Variants in ADAMTS5 observed in about 807,000 individuals in gnomAD.
The protein encoded by ADAMTS5 is ADAM metallopeptidase with thrombospondin type 1 motif 5.
A neutral mutation model predicts 81.4 loss-of-function variants in ADAMTS5; 54 were observed. That is an observed-to-expected ratio of 0.66 (90% CI 0.53 to 0.83). ADAMTS5 has a LOEUF of 0.83. Among genes scored for constraint, ADAMTS5 ranks in the 40% least tolerant of loss-of-function variants. The pLI is 0.00. For synonymous variants in ADAMTS5, 532 were observed against 508.8 expected, an observed-to-expected ratio of 1.05 and a Z score of -0.61; for missense variants, 1,194 against 1,229.9, an observed-to-expected ratio of 0.97 and a Z score of 0.44.
At chr21:26,930,170 A>AC in intron 6 of ADAMTS5, 109 bp from the exon 7 acceptor site, 13 of 1,022,568 alleles carry the variant, frequency 1.3e-5, no homozygotes, top group South Asian at 8.8e-5. Context: ...ATTGGTATGG[A>AC]CAGTCCATTG....
intron 3 of ADAMTS5, among the ~76,000 whole-genome samples, chr21:26,943,009 T>C (rs1987142523): frequency 6.6e-6 from 1 of 152,116 alleles, no homozygotes; most frequent in Admixed American, 6.6e-5. Context: ...ATGTAACAAA[T>C]AATTCTGAGA....
At chr21:26,939,357 T>A (rs554805070) in intron 3 of ADAMTS5, among the ~76,000 whole-genome samples, 1 of 152,232 alleles carries the variant, frequency 6.6e-6, no homozygotes. Flanking sequence ...TTAAACTATA[T>A]GTCTTATTTT....
Position 26,923,884 on chromosome 21 carries a change from T to C in ADAMTS5, c.*169A>G. 3.0e-6 allele frequency: 2 copies of C among 670,782 alleles called. No individual in the cohort carries two copies. The highest frequency in any genetic ancestry group is 4.9e-6 in the Non-Finnish European group (2 of 410,386). The allele number at this position is 670,782 out of a possible 1,614,324, so 41.6% of individuals were successfully genotyped here. On this transcript the variant is annotated 3_prime_UTR_variant, in exon 8 of 8. Coordinates refer to ENST00000284987, the MANE Select transcript of ADAMTS5 (RefSeq NM_007038.5). The stretch of plus-strand genomic sequence containing the variant: ...AGGTCACCACTGTCACGTGAAGCAG[T>C]GCACATCCTCTTTTGGTCACAGAGA...
At chr21:26,938,839 G>A (rs1360199808) in intron 3 of ADAMTS5, among the ~76,000 whole-genome samples, 1 of 152,084 alleles carries the variant, frequency 6.6e-6, no homozygotes, top group Admixed American at 6.6e-5. Context: ...TCTCAAAGTT[G>A]TTGTTCTTTA....
rs1986671472 is a variant in ADAMTS5, at chr21:26,920,558, TTTA to T, written c.*3492_*3494del. 2.0e-5 allele frequency: 3 copies of T among 152,092 alleles called. No homozygotes were observed. The highest frequency in any genetic ancestry group is 2.0e-4 in the Admixed American group (3 of 15,258). 9.4% of individuals were successfully genotyped at this position (152,092 alleles called of 1,614,324 possible). A position where few individuals can be genotyped will look rare whatever the true frequency, so the allele number is the denominator to read the frequency against. On this transcript the variant is annotated 3_prime_UTR_variant, in exon 8 of 8. Transcript: ENST00000284987. ...AAAGGAGAAACAGACAACATTTGGT[TTTA>T]TTATCGTTTGTATCCCTCAGAAGTT... is the stretch of plus-strand genomic sequence containing the variant.
rs763459248 is a variant in ADAMTS5 at position 26,954,797 on chromosome 21, G to A, written c.1179C>T (p.Ser393=). The change falls in exon 2 of 8, where the codon AGC becomes AGT. Residue 393 remains serine, a synonymous_variant. Transcript: ENST00000284987. The part of the protein sequence containing the change: ...DVGTICSPER[S]CAVIEDDGLH... Reference sequence around the variant, plus strand: ...GGCCATCGTCTTCAATCACAGCACAGCTGCGCTCTGGAGAACATATGGTCC... The same window carrying A: ...GGCCATCGTCTTCAATCACAGCACAACTGCGCTCTGGAGAACATATGGTCC... The A allele has an allele frequency of 6.2e-7, 1 of 1,614,148 alleles. No individual in the cohort carries two copies. Among genetic ancestry groups the A allele is most frequent in the Non-Finnish European group, 8.5e-7 (1 of 1,180,012 alleles).
At chr21:26,954,451 G>A (rs180782343) in intron 2 of ADAMTS5, among the ~76,000 whole-genome samples, 2 of 152,226 alleles carry the variant, frequency 1.3e-5, no homozygotes, top group East Asian at 1.9e-4. Flanking sequence ...TTTCATCCAG[G>A]GGTCATTTAC....
chr21:26,947,283 C>T (rs907897575), intron 2 of ADAMTS5, among the ~76,000 whole-genome samples: 3 of 152,100 alleles, frequency 2.0e-5, no homozygotes, highest in Non-Finnish European at 4.4e-5. Flanking sequence ...TGTTAATGAC[C>T]TCTGTATTTA....
chr21:26,927,792 T>A (rs1242986192), intron 7 of ADAMTS5, among the ~76,000 whole-genome samples: 1 of 151,842 alleles, frequency 6.6e-6, no homozygotes, highest in African/African-American at 2.4e-5. Context: ...GACTGCAGTG[T>A]TAGTCCAGGC....
Position 26,966,293 on chromosome 21 carries a change from C to A in ADAMTS5, c.99G>T (p.Gln33His). 1 of 1,545,522 alleles carries A rather than the reference C, an allele frequency of 6.5e-7. No individual in the cohort carries two copies. The highest frequency in any genetic ancestry group is 2.4e-5 in the East Asian group (1 of 41,320). The change falls in exon 1 of 8, where the codon CAG becomes CAT. Residue 33 changes from glutamine (Q) to histidine (H), a missense_variant. By Grantham distance (24) the Gln-to-His change is conservative. Coordinates refer to ENST00000284987, the MANE Select transcript of ADAMTS5 (RefSeq NM_007038.5). ...AATPAQDKAGQPPTAAAAAQP... is the reference protein window; with the variant it reads ...AATPAQDKAGHPPTAAAAAQP... ...GGGCGGCTGCTGCAGCAGTCGGAGG[C>A]TGCCCGGCTTTATCCTGGGCAGGTG...
chr21:26,934,435 C>T (rs1223872695), intron 4 of ADAMTS5, 31 bp downstream of exon 4: 1 of 1,610,982 alleles, frequency 6.2e-7, no homozygotes, highest in South Asian at 1.1e-5. Context: ...TCTTGGGCCT[C>T]CAGGCATTGA....
At chr21:26,926,665 C>CT (rs1986810993) in intron 7 of ADAMTS5, among the ~76,000 whole-genome samples, 2 of 112,666 alleles carry the variant, frequency 1.8e-5, no homozygotes, top group South Asian at 3.0e-4. Flanking sequence ...GAGACCCTGT[C>CT]TTAAAAAAAA....
chr21:26,957,128 A>G (rs1987441303), intron 1 of ADAMTS5, among the ~76,000 whole-genome samples: 1 of 152,218 alleles, frequency 6.6e-6, no homozygotes, highest in South Asian at 2.1e-4. Context: ...GAACATCTGA[A>G]TTTCTTTGTG....
At chr21:26,937,845 C>T (rs1014277557) in intron 3 of ADAMTS5, among the ~76,000 whole-genome samples, 3 of 152,164 alleles carry the variant, frequency 2.0e-5, no homozygotes, top group Non-Finnish European at 4.4e-5. Context: ...TCTAATTCAT[C>T]GTAGTCTGAA....
At chr21:26,952,074 C>T (rs1987329934) in intron 2 of ADAMTS5, among the ~76,000 whole-genome samples, 2 of 152,194 alleles carry the variant, frequency 1.3e-5, no homozygotes, top group Admixed American at 1.3e-4. Flanking sequence ...TATTCCCCCA[C>T]TTCCAGACCT....
rs1178526320 is a variant in ADAMTS5 at position 26,921,008 on chromosome 21, A to G, written c.*3045T>C. 1 of 152,596 alleles carries G rather than the reference A, an allele frequency of 6.6e-6. No individual in the cohort carries two copies. Among genetic ancestry groups the G allele is most frequent in the Non-Finnish European group, 1.5e-5 (1 of 68,002 alleles). 9.5% of individuals were successfully genotyped at this position (152,596 alleles called of 1,614,324 possible). ...CACAAAGTGTAAAAGTGTACTTTAT[A>G]CACAAACATGAAGCATAAATTAAAA... On this transcript the variant is annotated 3_prime_UTR_variant, in exon 8 of 8. Transcript: ENST00000284987.
chr21:26,939,776 C>A (rs1187357347), intron 3 of ADAMTS5: 2 of 152,330 alleles, frequency 1.3e-5, no homozygotes, highest in Admixed American at 1.3e-4. Context: ...ATTCAATAAC[C>A]TGCTTTCACT....
At chr21:26,942,431 CAATTT>C (rs1453842947) in intron 3 of ADAMTS5, among the ~76,000 whole-genome samples, 1 of 152,178 alleles carries the variant, frequency 6.6e-6, no homozygotes, top group African/African-American at 2.4e-5. Flanking sequence ...CTGTCACATT[CAATTT>C]AACTACTAGT....
intron 2 of ADAMTS5, among the ~76,000 whole-genome samples, chr21:26,949,103 ATACTTT>A (rs1335072091): frequency 6.6e-6 from 1 of 151,804 alleles, no homozygotes; most frequent in Admixed American, 6.6e-5. Flanking sequence ...GGATTGTTAT[ATACTTT>A]TACTTATGAG....
Sources: gnomAD v4.1 joint callset for allele counts (sites outside exome capture counted in the v4.1 genomes callset) on GRCh38, gnomAD v4.1.1 for gene constraint, MANE v1.5 for transcripts, NCBI Gene and HGNC (gene_info 2026-07-23, HGNC 2026-07-21) for gene names.